The following HBD variants were observed in gnomAD, a reference collection of about 807,000 sequenced individuals.
HBD encodes hemoglobin subunit delta, also known as delta globin.
HBD carries 11 observed loss-of-function variants against 9.2 expected under a neutral mutation model. The ratio of observed to expected loss-of-function variants is 1.20; its 90% confidence interval spans 0.76 to 1.99. The LOEUF is 1.99. Ranked by LOEUF, HBD falls within the 30% of genes most tolerant of loss-of-function variation. HBD has a pLI of 0.00. For synonymous variants in HBD, 83 were observed against 69.4 expected (o/e 1.20, Z -0.98); for missense variants, 189 against 174.3 (o/e 1.08, Z -0.47).
Position 5,234,478 on chromosome 11 carries a change from A to C in HBD, c.-45T>G. 7.2e-7 allele frequency: 1 copy of C among 1,395,964 alleles called. No individual in the cohort carries two copies. The highest frequency in any genetic ancestry group is 1.0e-6 in the Non-Finnish European group (1 of 981,020). The allele number at this position is 1,395,964 out of a possible 1,614,324, so 86.5% of individuals were successfully genotyped here. On this transcript the variant is annotated 5_prime_UTR_variant, in exon 1 of 3. Transcript: ENST00000650601. ...TAGTGAACACTGTTATGTCAGAAGAAAGTGTAAGCAACAGTCGACTCTGCC... is the reference window on the plus strand; with the variant it reads ...TAGTGAACACTGTTATGTCAGAAGACAGTGTAAGCAACAGTCGACTCTGCC...
In HBD at chr11:5,232,895, C is replaced by T; in HGVS notation, c.*69G>A. On this transcript the variant is annotated 3_prime_UTR_variant, in exon 3 of 3. Coordinates refer to ENST00000650601, the MANE Select transcript of HBD (RefSeq NM_000519.4). ...ATACCCTTGAAGTAGGCATTGTGTT[C>T]CCAAGTTCAGAAAATAGAATCTAGG... 2 of 1,612,706 alleles carry T rather than the reference C, an allele frequency of 1.2e-6. No individual in the cohort carries two copies. The highest frequency in any genetic ancestry group is 2.2e-5 in the East Asian group (1 of 44,884).
At position 5,233,022 on chromosome 11, in the gene HBD, G is replaced by A. The variant is rs764557786; in HGVS notation, c.386C>T (p.Ala129Val). 4 of 1,614,036 alleles carry A rather than the reference G, an allele frequency of 2.5e-6. No individual in the cohort carries two copies. In the South Asian group the frequency reaches 4.4e-5, roughly 18 times the overall value. Residue 129 changes from alanine (A) to valine (V), a missense_variant, in exon 3 of 3, where the codon GCT becomes GTT. Physicochemically the swap from Ala to Val is moderately conservative, Grantham distance 64 (BLOSUM62 0). Transcript: ENST00000650601. The part of the protein sequence containing the change: ...FGKEFTPQMQ[A>V]AYQKVVAGVA... ...ACCAGCCACCACCTTCTGATAGGCA[G>A]CCTGCATTTGTGGGGTGAATTCCTT... is the stretch of plus-strand genomic sequence containing the variant.
At chr11:5,233,854 T>G in intron 2 of HBD, 137 bp downstream of exon 2, 1 of 719,450 alleles carries the variant, frequency 1.4e-6, no homozygotes, top group Non-Finnish European at 2.4e-6. Flanking sequence ...AAATAAAAAA[T>G]TAACAAAATT....
chr11:5,233,009 C>T lies in HBD; in HGVS notation c.399G>A (p.Lys133=). The T allele has an allele frequency of 6.2e-7, 1 of 1,614,082 alleles. No homozygotes were observed. The highest frequency in any genetic ancestry group is 8.5e-7 in the Non-Finnish European group (1 of 1,179,984). Residue 133 remains lysine (K), a synonymous_variant, in exon 3 of 3, where the codon AAG becomes AAA. Coordinates refer to ENST00000650601, the MANE Select transcript of HBD (RefSeq NM_000519.4). ...FTPQMQAAYQ[K]VVAGVANALA... ...GGGCATTAGCCACACCAGCCACCAC[C>T]TTCTGATAGGCAGCCTGCATTTGTG...
At position 5,234,005 on chromosome 11, in the gene HBD, G is replaced by T. The variant is rs528751190; in HGVS notation, c.301C>A (p.Pro101Thr). 5 of 1,613,958 alleles carry T rather than the reference G, an allele frequency of 3.1e-6. No homozygotes were observed. The highest frequency in any genetic ancestry group is 4.2e-6 in the Non-Finnish European group (5 of 1,179,904). The change falls in exon 2 of 3, where the codon CCT becomes ACT. Residue 101 changes from proline (P) to threonine (T), a missense_variant. By Grantham distance (38) the Pro-to-Thr change is conservative. Coordinates refer to ENST00000650601, the MANE Select transcript of HBD (RefSeq NM_000519.4). The stretch of plus-strand genomic sequence containing the variant: ...CCTGGACTCACCCTGAAGTTCTCAG[G>T]ATCCACGTGCAGCTTGTCACAGTGC... ...ELHCDKLHVD[P>T]ENFRLLGNVL...
chr11:5,234,082 C>T lies in HBD; in HGVS notation c.224G>A (p.Gly75Asp), dbSNP rs281864507. Reference protein sequence around the residue: ...GKKVLGAFSDGLAHLDNLKGT... With the variant: ...GKKVLGAFSDDLAHLDNLKGT... ...CTTGAGGTTGTCCAGGTGAGCCAGG[C>T]CATCACTAAAGGCACCTAGCACCTT... The change falls in exon 2 of 3, where the codon GGC (glycine) becomes GAC (aspartate). Residue 75 changes from glycine (G) to aspartate (D), a missense_variant. Coordinates refer to ENST00000650601, the MANE Select transcript of HBD (RefSeq NM_000519.4). The T allele has an allele frequency of 1.2e-6, 2 of 1,614,068 alleles. No homozygotes were observed. The highest frequency in any genetic ancestry group is 1.7e-6 in the Non-Finnish European group (2 of 1,179,976).
chr11:5,234,277 C>T (rs1847711218), intron 1 of HBD, 64 bp from the exon 2 acceptor site: 1 of 1,598,618 alleles, frequency 6.3e-7, no homozygotes. Context: ...CAAGAGTCTT[C>T]TCTGTCTACA....
rs756655365 is a variant in HBD at position 5,233,018 on chromosome 11, G to A, written c.390C>T (p.Ala130=). The A allele has an allele frequency of 6.2e-7, 1 of 1,614,068 alleles. No individual in the cohort carries two copies. Among genetic ancestry groups the A allele is most frequent in the South Asian group, 1.1e-5 (1 of 91,082 alleles). The change falls in exon 3 of 3, where the codon GCC becomes GCT. Residue 130 remains alanine (A), a synonymous_variant. Coordinates refer to ENST00000650601, the MANE Select transcript of HBD (RefSeq NM_000519.4). Reference sequence around the variant, plus strand: ...CCACACCAGCCACCACCTTCTGATAGGCAGCCTGCATTTGTGGGGTGAATT... The same window carrying A: ...CCACACCAGCCACCACCTTCTGATAAGCAGCCTGCATTTGTGGGGTGAATT... The part of the protein sequence containing the change: ...GKEFTPQMQA[A]YQKVVAGVAN...
intron 2 of HBD, 102 bp downstream of exon 2, chr11:5,233,889 T>G (rs533096079): frequency 3.2e-6 from 3 of 946,980 alleles, no homozygotes; most frequent in Non-Finnish European, 5.0e-6. Flanking sequence ...TGATAAAATA[T>G]AGTAAAATGA....
Position 5,234,257 on chromosome 11 carries a change from A to C in HBD, c.93-44T>G, listed in dbSNP as rs369735914. Reference sequence around the variant, plus strand: ...CCCAAGGGACAGAGAGTCAGTGCCTATCAGAAACCCAAGAGTCTTCTCTGT... The same window carrying C: ...CCCAAGGGACAGAGAGTCAGTGCCTCTCAGAAACCCAAGAGTCTTCTCTGT... On this transcript the variant is annotated intron_variant, in intron 1 of 2. Coordinates refer to ENST00000650601, the MANE Select transcript of HBD (RefSeq NM_000519.4). 6 of 1,599,252 alleles carry C rather than the reference A, an allele frequency of 3.8e-6. No individual in the cohort carries two copies. The African/African-American group carries it at 8.0e-5, about 21-fold the overall frequency.
rs1443855757 is a variant in HBD, at chr11:5,234,470, T to C, written c.-37A>G. The C allele has an allele frequency of 1.4e-6, 2 of 1,477,520 alleles. No individual in the cohort carries two copies. The highest frequency in any genetic ancestry group is 9.5e-7 in the Non-Finnish European group (1 of 1,055,448). 91.5% of individuals were successfully genotyped at this position (1,477,520 alleles called of 1,614,324 possible). A position where few individuals can be genotyped will look rare whatever the true frequency, so the allele number is the denominator to read the frequency against. ...GAGGTTGCTAGTGAACACTGTTATG[T>C]CAGAAGAAAGTGTAAGCAACAGTCG... On this transcript the variant is annotated 5_prime_UTR_variant, in exon 1 of 3. Coordinates refer to ENST00000650601, the MANE Select transcript of HBD (RefSeq NM_000519.4).
intron 2 of HBD, among the ~76,000 whole-genome samples, chr11:5,233,312 C>CTA (rs1162120750): frequency 1.3e-5 from 2 of 151,938 alleles, no homozygotes; most frequent in African/African-American, 4.8e-5. Context: ...AGCATGTAGT[C>CTA]TATATATGTA....
At chr11:5,234,271 A>C in intron 1 of HBD, 58 bp from the exon 2 acceptor site, 12 of 1,597,552 alleles carry the variant, frequency 7.5e-6, no homozygotes, top group Non-Finnish European at 1.0e-5. Flanking sequence ...GAAACCCAAG[A>C]GTCTTCTCTG....
chr11:5,234,435 G>T lies in HBD; in HGVS notation c.-2C>A, dbSNP rs750803605. On this transcript the variant is annotated 5_prime_UTR_variant, in exon 1 of 3. Coordinates refer to ENST00000650601, the MANE Select transcript of HBD (RefSeq NM_000519.4). ...CTCCTCAGGAGTCAGATGCACCATG[G>T]TGTCTGTTTGAGGTTGCTAGTGAAC... 7 of 1,609,232 alleles carry T rather than the reference G, an allele frequency of 4.3e-6. No individual in the cohort carries two copies. Among genetic ancestry groups the T allele is most frequent in the Non-Finnish European group, 6.0e-6 (7 of 1,175,520 alleles).
In HBD at chr11:5,232,984, G is replaced by A; in HGVS notation, c.424C>T (p.Leu142=). 6.2e-7 allele frequency: 1 copy of A among 1,614,054 alleles called. No homozygotes were observed. The highest frequency in any genetic ancestry group is 1.1e-5 in the South Asian group (1 of 91,076). Residue 142 remains leucine, a synonymous_variant, in exon 3 of 3, where the codon CTG becomes TTG. Transcript: ENST00000650601. The stretch of plus-strand genomic sequence containing the variant: ...GGATCTCAATGGTACTTGTGAGCCA[G>A]GGCATTAGCCACACCAGCCACCACC... ...QKVVAGVANA[L]AHKYH
At chr11:5,233,925 G>A in intron 2 of HBD, 66 bp downstream of exon 2, 1 of 1,374,916 alleles carries the variant, frequency 7.3e-7, no homozygotes, top group Non-Finnish European at 1.0e-6. Flanking sequence ...AGAGCAGGTA[G>A]GTAAAAGAAC....
At position 5,232,853 on chromosome 11, in the gene HBD, T is replaced by C. The variant is rs1847686792; in HGVS notation, c.*111A>G. ...AATCAGGAAGTTGAGCTGAACATTC[T>C]TTATTAGGCAGAAGCCATACCCTTG... is the stretch of plus-strand genomic sequence containing the variant. On this transcript the variant is annotated 3_prime_UTR_variant, in exon 3 of 3. Coordinates refer to ENST00000650601, the MANE Select transcript of HBD (RefSeq NM_000519.4). The C allele has an allele frequency of 1.2e-6, 2 of 1,613,624 alleles. No homozygotes were observed. The highest frequency in any genetic ancestry group is 1.7e-5 in the Admixed American group (1 of 59,912).
In HBD at chr11:5,234,175, T is replaced by C. The variant is rs36084266; in HGVS notation, c.131A>G (p.Glu44Gly). The C allele has an allele frequency of 6.2e-7, 1 of 1,614,028 alleles. No individual in the cohort carries two copies. Among genetic ancestry groups the C allele is most frequent in the Non-Finnish European group, 8.5e-7 (1 of 1,179,942 alleles). ...AGGAGAGGACAGATCCCCAAAGGAC[T>C]CAAAGAACCTCTGGGTCCAAGGGTA... is the stretch of plus-strand genomic sequence containing the variant. ...VVYPWTQRFFESFGDLSSPDA... is the reference protein window; with the variant it reads ...VVYPWTQRFFGSFGDLSSPDA... The change falls in exon 2 of 3, where the codon GAG (glutamate) becomes GGG (glycine). Residue 44 changes from glutamate to glycine, a missense_variant. Coordinates refer to ENST00000650601, the MANE Select transcript of HBD (RefSeq NM_000519.4).
chr11:5,233,684 G>T (rs1356960657), intron 2 of HBD, among the ~76,000 whole-genome samples: 1 of 152,044 alleles, frequency 6.6e-6, no homozygotes, highest in Non-Finnish European at 1.5e-5. Context: ...GAGACAAAAG[G>T]ATTATTCTAA....
Sources: allele counts gnomAD v4.1 joint callset (sites outside exome capture counted in the v4.1 genomes callset), GRCh38; gene constraint gnomAD v4.1.1; transcripts MANE v1.5; gene names NCBI Gene and HGNC (gene_info 2026-07-23, HGNC 2026-07-21).